The following C1orf159 variants were observed in gnomAD, a reference collection of about 807,000 sequenced individuals.
The protein encoded by C1orf159 is chromosome 1 open reading frame 159.
Under a neutral mutation model 25.6 loss-of-function variants are expected in C1orf159, and 19 were observed. That is an observed-to-expected ratio of 0.74 (90% CI 0.52 to 1.09). The LOEUF (loss-of-function observed/expected upper bound fraction) is 1.09. Ranked by LOEUF, C1orf159 falls within the 50% of genes least tolerant of loss-of-function variation. The pLI is 0.00. For missense variants in C1orf159, 274 were observed against 290.6 expected, an observed-to-expected ratio of 0.94 and a Z score of 0.42; for synonymous variants, 139 against 124.7, an observed-to-expected ratio of 1.12 and a Z score of -0.77.
intron 1 of C1orf159, among the ~76,000 whole-genome samples, chr1:1,103,994 T>A (rs1462668428): frequency 1.1e-5 from 1 of 89,442 alleles, no homozygotes; most frequent in Non-Finnish European, 2.0e-5. Flanking sequence ...GAATTTTTAC[T>A]TTTTTTTTTC....
At position 1,116,051 on chromosome 1, in the gene C1orf159, C is replaced by G. The variant is rs937777704; in HGVS notation, c.-136+9G>C. ...CTACCCTCACGCCTGCCCCCAGCCC[C>G]TCACTCACCCCGGCGCCCTCCGGGT... On this transcript the variant is annotated intron_variant, in intron 1 of 9. Coordinates refer to ENST00000421241, the MANE Select transcript of C1orf159 (RefSeq NM_017891.5). This position sits in a 1 kb window ranked among gnomAD's most constrained non-coding sequence, Gnocchi z 4.8. The G allele has an allele frequency of 2.0e-5, 3 of 152,330 alleles. No individual in the cohort carries two copies. Among genetic ancestry groups the G allele is most frequent in the Admixed American group, 2.0e-4 (3 of 15,298 alleles). The allele number at this position is 152,330 out of a possible 1,614,324, so 9.4% of individuals were successfully genotyped here. A position where few individuals can be genotyped will look rare whatever the true frequency, so the allele number is the denominator to read the frequency against.
Position 1,091,514 on chromosome 1 carries a change from A to G in C1orf159, c.30T>C (p.Ala10=). The change falls in exon 3 of 10, where the codon GCT becomes GCC. Residue 10 remains alanine, a synonymous_variant. Transcript: ENST00000421241. MALRHLALL[A]GLLVGVASKS... Reference sequence around the variant, plus strand: ...TGCTGGCGACTCCCACGAGAAGGCCAGCCAGGAGGGCGAGGTGCCGCAGCG... The same window carrying G: ...TGCTGGCGACTCCCACGAGAAGGCCGGCCAGGAGGGCGAGGTGCCGCAGCG... 6.5e-7 allele frequency: 1 copy of G among 1,550,142 alleles called. No individual in the cohort carries two copies.
intron 1 of C1orf159, among the ~76,000 whole-genome samples, chr1:1,109,442 CCTTT>C (rs1215232017): frequency 1.3e-5 from 2 of 151,920 alleles, no homozygotes; most frequent in African/African-American, 2.4e-5. Flanking sequence ...CCTCTTTTCT[CCTTT>C]CTTTCCTTTC....
intron 1 of C1orf159, among the ~76,000 whole-genome samples, chr1:1,112,392 G>T (rs999208362): frequency 2.0e-5 from 3 of 150,822 alleles, no homozygotes; most frequent in Non-Finnish European, 3.0e-5. Context: ...ACGGCGCACG[G>T]TCCCTCCCTC....
chr1:1,088,100 CCA>C (rs1645863399), intron 4 of C1orf159, among the ~76,000 whole-genome samples: 1 of 151,340 alleles, frequency 6.6e-6, no homozygotes, highest in Non-Finnish European at 1.5e-5. Flanking sequence ...AGCCTTCACC[CCA>C]CAGACTCCCC....
chr1:1,090,238 C>G (rs762077864), intron 4 of C1orf159, 115 bp downstream of exon 4: 2 of 1,076,884 alleles, frequency 1.9e-6, no homozygotes, highest in Non-Finnish European at 1.4e-6. Context: ...ATCCACTCCC[C>G]AGGTCCCGCA....
intron 1 of C1orf159, among the ~76,000 whole-genome samples, chr1:1,094,855 A>AT (rs1479251347): frequency 6.6e-6 from 1 of 152,134 alleles, no homozygotes; most frequent in Non-Finnish European, 1.5e-5. Flanking sequence ...GGTCACTAAG[A>AT]TTTACTGCTT....
At chr1:1,090,724 C>T in intron 3 of C1orf159, 1 of 782,946 alleles carries the variant, frequency 1.3e-6, no homozygotes, top group African/African-American at 1.7e-5. Flanking sequence ...GGCAGCGCCA[C>T]CGACATTCTC....
chr1:1,091,721 G>A (rs1263720606), intron 2 of C1orf159, 156 bp from the exon 3 acceptor site: 2 of 592,972 alleles, frequency 3.4e-6, no homozygotes, highest in Non-Finnish European at 3.1e-6. Context: ...CTGTGGTGGA[G>A]GGTGGGGCCA....
At chr1:1,108,888 C>G (rs915807952) in intron 1 of C1orf159, among the ~76,000 whole-genome samples, 1 of 110,750 alleles carries the variant, frequency 9.0e-6, no homozygotes, top group Non-Finnish European at 1.7e-5. Flanking sequence ...CAGCACCGTC[C>G]ACCACAGCCA....
chr1:1,111,824 T>C (rs891777072), intron 1 of C1orf159, among the ~76,000 whole-genome samples: 1 of 152,176 alleles, frequency 6.6e-6, no homozygotes, highest in Admixed American at 6.5e-5. Context: ...CTGGTCATCT[T>C]CGTAGCAAGC....
chr1:1,087,325 C>T lies in C1orf159; in HGVS notation c.245-121G>A. 2 of 1,220,512 alleles carry T rather than the reference C, an allele frequency of 1.6e-6. No individual in the cohort carries two copies. Among genetic ancestry groups the T allele is most frequent in the African/African-American group, 1.5e-5 (1 of 65,824 alleles). 75.6% of individuals were successfully genotyped at this position (1,220,512 alleles called of 1,614,324 possible). A position where few individuals can be genotyped will look rare whatever the true frequency, so the allele number is the denominator to read the frequency against. The stretch of plus-strand genomic sequence containing the variant: ...GCGAGGGGCTGAGGGGGCGGAGCAG[C>T]CCTCACCACAGAGCTGTCCCGAATG... On this transcript the variant is annotated intron_variant, in intron 5 of 9. Transcript: ENST00000421241. This position sits in a 1 kb window ranked among gnomAD's most constrained non-coding sequence, Gnocchi z 8.3.
Position 1,092,435 on chromosome 1 carries a change from T to C in C1orf159, c.-135-332A>G, listed in dbSNP as rs534986662. The C allele has an allele frequency of 5.4e-4, 85 of 156,132 alleles. No individual in the cohort carries two copies. In the Middle Eastern group the frequency reaches 9.9e-3, roughly 18 times the overall value. 9.7% of individuals were successfully genotyped at this position (156,132 alleles called of 1,614,324 possible). ...GGTCCTCCCGCACAAACCCCCTCTC[T>C]CCCCCCTGCACTTCCAGCCACAGGA... On this transcript the variant is annotated intron_variant, in intron 1 of 9. Coordinates refer to ENST00000421241, the MANE Select transcript of C1orf159 (RefSeq NM_017891.5).
chr1:1,106,296 T>G (rs1646169849), intron 1 of C1orf159, among the ~76,000 whole-genome samples: 2 of 152,184 alleles, frequency 1.3e-5, no homozygotes, highest in African/African-American at 4.8e-5. Flanking sequence ...ATTAGGGAAA[T>G]GCAAATCAAA....
intron 1 of C1orf159, among the ~76,000 whole-genome samples, chr1:1,106,367 G>C (rs1646170983): frequency 6.6e-6 from 1 of 152,174 alleles, no homozygotes; most frequent in African/African-American, 2.4e-5. Flanking sequence ...AGAAATAAAT[G>C]TTGGCAAACG....
chr1:1,097,922 T>C (rs902399630), intron 1 of C1orf159, among the ~76,000 whole-genome samples: 1 of 152,194 alleles, frequency 6.6e-6, no homozygotes, highest in African/African-American at 2.4e-5. Context: ...GGAGTGAATC[T>C]TAGGTCTCTG....
intron 1 of C1orf159, among the ~76,000 whole-genome samples, chr1:1,103,092 C>T (rs1646125182): frequency 6.6e-6 from 1 of 152,188 alleles, no homozygotes; most frequent in East Asian, 1.9e-4. Context: ...ATCCACCTAC[C>T]TCAGCCTCCC....
chr1:1,091,054 G>A, intron 3 of C1orf159: 4 of 1,292,542 alleles, frequency 3.1e-6, no homozygotes, highest in South Asian at 1.4e-5. Context: ...CACCGCCAGG[G>A]AGGGGCCCAG....
At chr1:1,104,854 A>G (rs896646716) in intron 1 of C1orf159, among the ~76,000 whole-genome samples, 2 of 151,906 alleles carry the variant, frequency 1.3e-5, no homozygotes, top group African/African-American at 4.8e-5. Context: ...GAACTTGGAG[A>G]ACATGGGCTG....
Sources: allele counts gnomAD v4.1 joint callset (sites outside exome capture counted in the v4.1 genomes callset), GRCh38; gene constraint gnomAD v4.1.1; non-coding constraint Gnocchi (gnomAD v3.1); transcripts MANE v1.5; gene names NCBI Gene and HGNC (gene_info 2026-07-23, HGNC 2026-07-21).